Variants in ZNF273 observed in about 807,000 individuals in gnomAD.
ZNF273 encodes the protein zinc finger protein 273, also known as zinc finger protein 9.
In ZNF273, 11 loss-of-function variants were observed where a neutral mutation model predicts 14.9. The observed-to-expected ratio is 0.74, with a 90% CI of 0.46 to 1.22. The LOEUF is 1.22. Ranked by LOEUF, ZNF273 falls within the 50% of genes most tolerant of loss-of-function variation. The pLI, the probability that ZNF273 is intolerant of heterozygous loss-of-function variation, is 0.00. For missense variants in ZNF273, 577 were observed against 660.6 expected (o/e 0.87, Z 1.39); for synonymous variants, 199 against 223.9 (o/e 0.89, Z 0.99).
downstream of ZNF273, chr7:64,889,628 T>TGCTGCTGACCGGAGCC: frequency 1.0e-6 from 1 of 986,046 alleles, no homozygotes; most frequent in Non-Finnish European, 1.2e-6. This position sits in a 1 kb window ranked among gnomAD's most constrained non-coding sequence, Gnocchi z 4.2. Context: ...GCAGCGGGGC[T>TGCTGCTGACCGGAGCC]GCTGCTGACC....
intron 1 of ZNF273, among the ~76,000 whole-genome samples, chr7:64,911,836 C>CT (rs1431840974): frequency 3.9e-5 from 6 of 152,104 alleles, no homozygotes; most frequent in African/African-American, 1.4e-4. Flanking sequence ...AAATCGAGAT[C>CT]TTTCTAACTT....
At chr7:64,912,826 G>GTTTTTTGTTGTTGTTTTTTTTT in intron 1 of ZNF273, among the ~76,000 whole-genome samples, 14 of 36,574 alleles carry the variant, frequency 3.8e-4, no homozygotes, top group Non-Finnish European at 6.2e-4. Context: ...ATTCATTTTA[G>GTTTTTTGTTGTTGTTTTTTTTT]TTTTTTTTTT....
At chr7:64,906,506 C>G (rs1793119475) in intron 1 of ZNF273, among the ~76,000 whole-genome samples, 1 of 152,034 alleles carries the variant, frequency 6.6e-6, no homozygotes, top group African/African-American at 2.4e-5. Context: ...CACTTACTTT[C>G]AAAAACCAAG....
intron 3 of ZNF273, among the ~76,000 whole-genome samples, chr7:64,921,273 A>G (rs1794428615): frequency 6.6e-6 from 1 of 152,122 alleles, no homozygotes; most frequent in Non-Finnish European, 1.5e-5. Flanking sequence ...CATGTTGGTC[A>G]GGCTGGTCTC....
At chr7:64,889,740 C>T, downstream of ZNF273, 2 of 985,894 alleles carry the variant, frequency 2.0e-6, no homozygotes, top group Non-Finnish European at 2.4e-6. The surrounding 1 kb of genome is among the most constrained non-coding windows in gnomAD (Gnocchi z 4.2). Context: ...CGAGCACCAT[C>T]CACGCTCAGC....
intron 1 of ZNF273, among the ~76,000 whole-genome samples, chr7:64,914,209 A>G (rs1223564871): frequency 4.1e-5 from 2 of 49,250 alleles, no homozygotes; most frequent in African/African-American, 1.7e-4. Flanking sequence ...TTTTTTTTTT[A>G]GTACAGATGG....
intron 2 of ZNF273, among the ~76,000 whole-genome samples, chr7:64,917,985 CACT>C (rs1449794115): frequency 1.3e-5 from 2 of 151,926 alleles, no homozygotes; most frequent in African/African-American, 4.8e-5. Flanking sequence ...TAATTGCCAC[CACT>C]AATTTTTCAT....
chr7:64,923,561 C>CG, intron 3 of ZNF273: 1 of 335,766 alleles, frequency 3.0e-6, no homozygotes, highest in Admixed American at 4.4e-5. Flanking sequence ...AGGCTGGTCT[C>CG]GAACGCCTGA....
At chr7:64,917,471 CTATA>C in intron 1 of ZNF273, 106 bp from the exon 2 acceptor site, 1 of 1,487,792 alleles carries the variant, frequency 6.7e-7, no homozygotes, top group Non-Finnish European at 9.0e-7. Context: ...TTAGTCACTC[CTATA>C]AGTAAAAACC....
chr7:64,889,428 C>T, downstream of ZNF273: 1 of 985,736 alleles, frequency 1.0e-6, no homozygotes, highest in Non-Finnish European at 1.2e-6. The surrounding 1 kb of genome is among the most constrained non-coding windows in gnomAD (Gnocchi z 4.2). Flanking sequence ...GAGCCCCTTC[C>T]CACTCGGGCT....
In ZNF273 at chr7:64,921,615, T is replaced by TTTTTTTA. The variant is rs1193875870; in HGVS notation, c.325+3329_325+3330insATTTTTT. Among the ~76,000 whole-genome samples the TTTTTTTA allele has an allele frequency of 1.5e-4, 5 of 34,082 alleles. 1 individual carries two copies. The highest frequency in any genetic ancestry group is 1.2e-3 in the Admixed American group (3 of 2,448). 22.4% of individuals were successfully genotyped at this position (34,082 alleles called of 152,430 possible). A position where few individuals can be genotyped will look rare whatever the true frequency, so the allele number is the denominator to read the frequency against. ...TGCTTCATGCTAATGCTTTTTTTTT[T>TTTTTTTA]TTTTTTTTTTTTTTTTTTTTTTGTG... On this transcript the variant is annotated intron_variant, in intron 3 of 3. Coordinates refer to ENST00000476120, the MANE Select transcript of ZNF273 (RefSeq NM_021148.3).
intron 1 of ZNF273, among the ~76,000 whole-genome samples, chr7:64,905,139 A>G (rs903285019): frequency 7.5e-5 from 9 of 120,586 alleles, no homozygotes; most frequent in Non-Finnish European, 1.6e-5. Context: ...TTTTTTTGAG[A>G]CAGTCTCATT....
chr7:64,912,892 G>A (rs577245156), intron 1 of ZNF273, among the ~76,000 whole-genome samples: 13 of 122,908 alleles, frequency 1.1e-4, no homozygotes, highest in Middle Eastern at 6.0e-3. Context: ...GCAGTGGTGC[G>A]ATCTTGGCTC....
At chr7:64,921,847 T>C (rs1794484074) in intron 3 of ZNF273, among the ~76,000 whole-genome samples, 1 of 151,960 alleles carries the variant, frequency 6.6e-6, no homozygotes, top group Admixed American at 6.6e-5. Context: ...CAGGCTGGTC[T>C]CGAACTCCTG....
chr7:64,885,164 G>C (rs1360735300), intron 1 of ZNF273, among the ~76,000 whole-genome samples: 1 of 152,190 alleles, frequency 6.6e-6, no homozygotes, highest in Non-Finnish European at 1.5e-5. Flanking sequence ...TCTTCTCTGG[G>C]GGATCCACGG....
At chr7:64,916,436 T>C (rs1793996616) in intron 1 of ZNF273, among the ~76,000 whole-genome samples, 1 of 150,020 alleles carries the variant, frequency 6.7e-6, no homozygotes, top group Non-Finnish European at 1.5e-5. Context: ...TCCCACCTAC[T>C]TGGGAGACTG....
upstream of ZNF273, chr7:64,903,178 A>C: frequency 3.0e-6 from 2 of 656,728 alleles, no homozygotes; most frequent in South Asian, 3.7e-5. Flanking sequence ...CGGGTCCTTA[A>C]ACATCCTCCA....
Position 64,927,795 on chromosome 7 carries a change from A to G in ZNF273, c.467A>G (p.His156Arg), listed in dbSNP as rs111875944. 1.4e-5 allele frequency: 23 copies of G among 1,613,556 alleles called. No individual in the cohort carries two copies. The highest frequency in any genetic ancestry group is 1.3e-4 in the African/African-American group (10 of 74,892). ...AAAGGCTGTAAAAGTGCGGATGAGC[A>G]TAAGGTGCACAAAAGAGGTTATAAT... is the stretch of plus-strand genomic sequence containing the variant. ...LRKGCKSADE[H>R]KVHKRGYNGL... is the part of the protein sequence containing the mutation. Residue 156 changes from histidine to arginine, a missense_variant, in exon 4 of 4, where the codon CAT (histidine) becomes CGT (arginine). Physicochemically the swap from His to Arg is conservative, Grantham distance 29. Around this residue, in one of 3 missense-constraint regions of ZNF273, gnomAD observed 162 missense variants for 203.5 expected, o/e 0.80. Coordinates refer to ENST00000476120, the MANE Select transcript of ZNF273 (RefSeq NM_021148.3).
At chr7:64,897,017 G>A (rs1792404810) in intron 3 of ZNF273, among the ~76,000 whole-genome samples, 1 of 152,096 alleles carries the variant, frequency 6.6e-6, no homozygotes, top group Non-Finnish European at 1.5e-5. Flanking sequence ...TGAACCTGGA[G>A]GACATTATGC....
Sources: allele counts gnomAD v4.1 joint callset (sites outside exome capture counted in the v4.1 genomes callset), GRCh38; gene constraint gnomAD v4.1.1; regional missense constraint gnomAD v4.1.1; non-coding constraint Gnocchi (gnomAD v3.1); transcripts MANE v1.5; gene names NCBI Gene and HGNC (gene_info 2026-07-23, HGNC 2026-07-21).